Variants in PLEKHA6 observed in about 807,000 individuals in gnomAD.
The protein encoded by PLEKHA6 is pleckstrin homology domain containing A6.
PLEKHA6 carries 60 observed loss-of-function variants against 116.7 expected under a neutral mutation model. That is an observed-to-expected ratio of 0.51 (90% CI 0.42 to 0.64). The LOEUF (loss-of-function observed/expected upper bound fraction) is 0.64. Among genes scored for constraint, PLEKHA6 ranks in the 30% least tolerant of loss-of-function variants. The probability of loss-of-function intolerance (pLI) is 0.00; values close to 1 mark genes in which losing one functional copy is unlikely to be tolerated. For missense variants in PLEKHA6, 1,338 were observed against 1,422.7 expected (o/e 0.94, Z 0.96); for synonymous variants, 489 against 556.1 (o/e 0.88, Z 1.70).
intron 2 of PLEKHA6, among the ~76,000 whole-genome samples, chr1:204,370,397 G>A (rs985992565): frequency 6.6e-6 from 1 of 152,230 alleles, no homozygotes; most frequent in Non-Finnish European, 1.5e-5. Context: ...GAAGGCGAGA[G>A]GGGGAAGGGC....
chr1:204,308,533 T>C (rs4076663), intron 1 of PLEKHA6, among the ~76,000 whole-genome samples: 64,258 of 151,764 alleles, frequency 0.42, 14,167 homozygotes, highest in East Asian at 0.73. Flanking sequence ...TCAGTTTCCT[T>C]ATCTGTAAAA....
At chr1:204,265,993 T>A (rs1313813837) in intron 5 of PLEKHA6, among the ~76,000 whole-genome samples, 2 of 152,188 alleles carry the variant, frequency 1.3e-5, no homozygotes, top group Admixed American at 6.5e-5. Context: ...GGCAAGGCCC[T>A]CTCCAATTCC....
intron 1 of PLEKHA6, among the ~76,000 whole-genome samples, chr1:204,357,701 T>C (rs1248300354): frequency 6.6e-6 from 1 of 151,840 alleles, no homozygotes; most frequent in Non-Finnish European, 1.5e-5. Flanking sequence ...AGGAAGACGA[T>C]GAGGAAATTG....
chr1:204,219,099 C>CCCTT lies in PLEKHA6; in HGVS notation c.*3685_*3688dup, dbSNP rs2102347181. ...AGAGATTCCATCTATCTAACCTTCA[C>CCCTT]CCTTCTTCTAAGGCCACTTTTATGC... On this transcript the variant is annotated 3_prime_UTR_variant, in exon 23 of 23. Coordinates refer to ENST00000272203, the MANE Select transcript of PLEKHA6 (RefSeq NM_014935.5). The CCCTT allele has an allele frequency of 6.6e-6, 1 of 152,636 alleles. No individual in the cohort carries two copies. Among genetic ancestry groups the CCCTT allele is most frequent in the South Asian group, 2.1e-4 (1 of 4,818 alleles). 9.5% of individuals were successfully genotyped at this position (152,636 alleles called of 1,614,324 possible). A position where few individuals can be genotyped will look rare whatever the true frequency, so the allele number is the denominator to read the frequency against.
chr1:204,352,802 A>G (rs1673320133), intron 1 of PLEKHA6, among the ~76,000 whole-genome samples: 1 of 152,032 alleles, frequency 6.6e-6, no homozygotes, highest in Non-Finnish European at 1.5e-5. Context: ...CTGGGCAACA[A>G]AGTGAGACTC....
chr1:204,241,738 A>G lies in PLEKHA6; in HGVS notation c.2249T>C (p.Leu750Pro), dbSNP rs1375976447. 1 of 1,613,318 alleles carries G rather than the reference A, an allele frequency of 6.2e-7. No homozygotes were observed. The highest frequency in any genetic ancestry group is 8.5e-7 in the Non-Finnish European group (1 of 1,179,778). Reference protein sequence around the residue: ...LPLDTPRDISLVPTRQEVEAE... With the variant: ...LPLDTPRDISPVPTRQEVEAE... ...CTCTACCTCTTGCCTGGTGGGCACA[A>G]GGCTGATGTCTCTGGGGGTGTCCAG... The change falls in exon 16 of 23, where the codon CTT becomes CCT. Residue 750 changes from leucine (L) to proline (P), a missense_variant. Around this residue, in one of 3 missense-constraint regions of PLEKHA6, gnomAD observed 1,136 missense variants for 1,163.6 expected, o/e 0.98. Coordinates refer to ENST00000272203, the MANE Select transcript of PLEKHA6 (RefSeq NM_014935.5).
chr1:204,306,509 G>A (rs1671322242), intron 1 of PLEKHA6, among the ~76,000 whole-genome samples: 1 of 152,190 alleles, frequency 6.6e-6, no homozygotes, highest in Non-Finnish European at 1.5e-5. Context: ...CCAATTCTGA[G>A]GCACTGAGAA....
At chr1:204,225,849 C>T (rs1167959535) in intron 21 of PLEKHA6, among the ~76,000 whole-genome samples, 1 of 152,240 alleles carries the variant, frequency 6.6e-6, no homozygotes, top group Non-Finnish European at 1.5e-5. Flanking sequence ...ATGCATGAAT[C>T]TACAAACATG....
At chr1:204,308,374 T>C (rs1043302497) in intron 1 of PLEKHA6, among the ~76,000 whole-genome samples, 1 of 152,188 alleles carries the variant, frequency 6.6e-6, no homozygotes, top group Non-Finnish European at 1.5e-5. Context: ...CCTATGATCA[T>C]GCCATTGCAC....
intron 1 of PLEKHA6, among the ~76,000 whole-genome samples, chr1:204,320,227 G>A (rs746496633): frequency 1.3e-5 from 2 of 152,170 alleles, no homozygotes; most frequent in East Asian, 1.9e-4. Flanking sequence ...ATGGAGGCTC[G>A]GTGCTGTCTT....
At chr1:204,270,931 ACT>A (rs1056480136) in intron 3 of PLEKHA6, among the ~76,000 whole-genome samples, 1 of 152,024 alleles carries the variant, frequency 6.6e-6, no homozygotes, top group African/African-American at 2.4e-5. Context: ...TCCCTTGGCC[ACT>A]GTCAAATCCC....
At chr1:204,307,219 T>C (rs1671402698) in intron 1 of PLEKHA6, 1 of 152,188 alleles carries the variant, frequency 6.6e-6, no homozygotes, top group Non-Finnish European at 1.5e-5. Context: ...CATATCTGCC[T>C]TACTGTGAAA....
chr1:204,303,468 G>GC (rs1292216229), intron 1 of PLEKHA6, among the ~76,000 whole-genome samples: 2 of 152,178 alleles, frequency 1.3e-5, no homozygotes, highest in Non-Finnish European at 2.9e-5. Flanking sequence ...TCAAAAAAGA[G>GC]CATCTAGTTC....
intron 1 of PLEKHA6, among the ~76,000 whole-genome samples, chr1:204,286,702 C>A (rs1669215677): frequency 6.6e-6 from 1 of 152,156 alleles, no homozygotes; most frequent in Non-Finnish European, 1.5e-5. Flanking sequence ...CCCCATGAAG[C>A]CCCCCTGCCC....
At chr1:204,352,760 G>A (rs1011877832) in intron 1 of PLEKHA6, among the ~76,000 whole-genome samples, 2 of 152,158 alleles carry the variant, frequency 1.3e-5, no homozygotes, top group African/African-American at 4.8e-5. Context: ...CGAGGCAGGA[G>A]GATCACTTGA....
chr1:204,309,644 G>T, intron 1 of PLEKHA6: 1 of 692,584 alleles, frequency 1.4e-6, no homozygotes, highest in Non-Finnish European at 1.8e-6. Context: ...GCACTTCTCA[G>T]AATGTAGCCC....
intron 1 of PLEKHA6, among the ~76,000 whole-genome samples, chr1:204,280,692 A>T (rs1280492776): frequency 6.6e-6 from 1 of 152,096 alleles, no homozygotes; most frequent in Admixed American, 6.5e-5. Flanking sequence ...TCCAGAGAGG[A>T]TTTCTGCTGC....
chr1:204,225,278 G>A (rs1238730071), intron 21 of PLEKHA6, among the ~76,000 whole-genome samples: 2 of 152,180 alleles, frequency 1.3e-5, no homozygotes, highest in Non-Finnish European at 1.5e-5. Context: ...TATTTATAAT[G>A]ATAATACATG....
At chr1:204,281,529 A>C (rs1668611624) in intron 1 of PLEKHA6, among the ~76,000 whole-genome samples, 1 of 142,260 alleles carries the variant, frequency 7.0e-6, no homozygotes, top group Non-Finnish European at 1.5e-5. Flanking sequence ...CGTCTCAAAA[A>C]AACAAAAAAA....
Sources: allele counts gnomAD v4.1 joint callset (sites outside exome capture counted in the v4.1 genomes callset), GRCh38; gene constraint gnomAD v4.1.1; regional missense constraint gnomAD v4.1.1; transcripts MANE v1.5; gene names NCBI Gene and HGNC (gene_info 2026-07-23, HGNC 2026-07-21).